Variants in SNTG1 observed in about 807,000 individuals in gnomAD.
SNTG1 encodes the protein gamma-1-syntrophin.
Under a neutral mutation model 74.7 loss-of-function variants are expected in SNTG1, and 39 were observed. That is an observed-to-expected ratio of 0.52 (90% CI 0.40 to 0.68). The LOEUF (loss-of-function observed/expected upper bound fraction) is 0.68, where lower values mean the gene tolerates loss of function less well. SNTG1 is among the 30% of genes least tolerant of loss of function. The pLI, the probability that SNTG1 is intolerant of heterozygous loss-of-function variation, is 0.00. For missense variants in SNTG1, 685 were observed against 609.5 expected, an observed-to-expected ratio of 1.12 and a Z score of -1.30; for synonymous variants, 254 against 217.1, an observed-to-expected ratio of 1.17 and a Z score of -1.49.
At chr8:50,149,425 G>C (rs919620159) in intron 1 of SNTG1, among the ~76,000 whole-genome samples, 1 of 152,132 alleles carries the variant, frequency 6.6e-6, no homozygotes, top group Non-Finnish European at 1.5e-5. Flanking sequence ...TTTGGCTTTT[G>C]TTGCCATTGC....
chr8:49,920,506 A>G (rs1235698155), intron 1 of SNTG1, among the ~76,000 whole-genome samples: 1 of 152,076 alleles, frequency 6.6e-6, no homozygotes, highest in Non-Finnish European at 1.5e-5. Context: ...TATAACACCT[A>G]TTATAGGCTT....
At chr8:50,050,613 T>C (rs1819488893) in intron 1 of SNTG1, among the ~76,000 whole-genome samples, 1 of 152,028 alleles carries the variant, frequency 6.6e-6, no homozygotes, top group African/African-American at 2.4e-5. Flanking sequence ...CAACAGCTTA[T>C]TGAAGAAATA....
intron 8 of SNTG1, among the ~76,000 whole-genome samples, chr8:50,475,789 C>G (rs1190245244): frequency 6.6e-6 from 1 of 152,006 alleles, no homozygotes; most frequent in Non-Finnish European, 1.5e-5. Flanking sequence ...AATGTGACAA[C>G]ATAATATAAA....
chr8:49,929,659 C>A (rs939967724), intron 1 of SNTG1, among the ~76,000 whole-genome samples: 1 of 152,128 alleles, frequency 6.6e-6, no homozygotes, highest in Non-Finnish European at 1.5e-5. Context: ...TGGATGAGAT[C>A]CCTGAATCAC....
intron 1 of SNTG1, among the ~76,000 whole-genome samples, chr8:50,150,704 T>C (rs1281515962): frequency 1.3e-5 from 2 of 152,202 alleles, no homozygotes; most frequent in Non-Finnish European, 2.9e-5. Flanking sequence ...ATTTATTGAT[T>C]TGTGTATGTT....
intron 1 of SNTG1, among the ~76,000 whole-genome samples, chr8:50,071,143 A>G (rs187442185): frequency 3.9e-5 from 6 of 152,278 alleles, no homozygotes; most frequent in South Asian, 2.1e-4. Context: ...CCCAACTCCT[A>G]AGGGAAGAAT....
intron 1 of SNTG1, among the ~76,000 whole-genome samples, chr8:50,136,507 T>C (rs886613590): frequency 6.6e-6 from 1 of 152,126 alleles, no homozygotes; most frequent in African/African-American, 2.4e-5. Context: ...TAGTGATCAG[T>C]GATGTTGAGC....
chr8:50,525,087 T>G (rs2094209500), intron 9 of SNTG1, among the ~76,000 whole-genome samples: 1 of 152,150 alleles, frequency 6.6e-6, no homozygotes, highest in African/African-American at 2.4e-5. Context: ...CCATGGTTTT[T>G]GTTTATTTAA....
chr8:50,377,051 TTC>T (rs2092401268), intron 2 of SNTG1, among the ~76,000 whole-genome samples: 1 of 152,092 alleles, frequency 6.6e-6, no homozygotes. Flanking sequence ...TGGGTCGGCT[TTC>T]TGAGTCAGCT....
intron 18 of SNTG1, among the ~76,000 whole-genome samples, chr8:50,762,171 A>C (rs1015652355): frequency 6.6e-6 from 1 of 151,982 alleles, no homozygotes; most frequent in Non-Finnish European, 1.5e-5. Context: ...TCTAAATATA[A>C]AACCAATCTC....
At chr8:49,963,741 G>T (rs1298574234) in intron 1 of SNTG1, among the ~76,000 whole-genome samples, 1 of 152,192 alleles carries the variant, frequency 6.6e-6, no homozygotes, top group Non-Finnish European at 1.5e-5. Flanking sequence ...ATGTAGCAAT[G>T]CTATGAATAG....
chr8:50,303,758 T>G (rs763387999), intron 2 of SNTG1, among the ~76,000 whole-genome samples: 1 of 152,148 alleles, frequency 6.6e-6, no homozygotes, highest in Non-Finnish European at 1.5e-5. Context: ...TTATGCCTGA[T>G]TGTAGACCCT....
chr8:50,380,235 G>T (rs1416351015), intron 2 of SNTG1, among the ~76,000 whole-genome samples: 1 of 152,298 alleles, frequency 6.6e-6, no homozygotes, highest in East Asian at 1.9e-4. Context: ...CACACAAAAT[G>T]AAACTCAAGT....
At chr8:50,570,056 T>C (rs1407618561) in intron 12 of SNTG1, among the ~76,000 whole-genome samples, 1 of 152,014 alleles carries the variant, frequency 6.6e-6, no homozygotes, top group Non-Finnish European at 1.5e-5. Context: ...TAAAATAGCC[T>C]GCTTTGTAGC....
chr8:50,531,004 G>A (rs218876), intron 10 of SNTG1, among the ~76,000 whole-genome samples: 50,597 of 152,044 alleles, frequency 0.33, 9,948 homozygotes, highest in African/African-American at 0.55. Flanking sequence ...GAATTTTATT[G>A]TTCTATTCCA....
At chr8:50,275,930 G>A (rs758058663) in intron 2 of SNTG1, among the ~76,000 whole-genome samples, 7 of 152,142 alleles carry the variant, frequency 4.6e-5, no homozygotes, top group Non-Finnish European at 8.8e-5. Flanking sequence ...GGAGGATGGA[G>A]TGATGCTTTC....
chr8:50,115,576 A>AAAAGAAAAAAAAAAAAAAAAC lies in SNTG1; in HGVS notation c.-102-56982_-102-56981insGAAAAAAAAAAAAAAAACAAA, dbSNP rs1554580677. 4.8e-5 allele frequency among the ~76,000 whole-genome samples: 4 copies of AAAAGAAAAAAAAAAAAAAAAC among 82,800 alleles called. 1 individual carries two copies. The Admixed American group carries it at 5.5e-4, about 11-fold the overall frequency. 54.3% of individuals were successfully genotyped at this position (82,800 alleles called of 152,430 possible). ...GAGCGAGACTCTGTCTCAAAAAAAA[A>AAAAGAAAAAAAAAAAAAAAAC]AAAAAAAAAAACGAGATGGTTGAAG... On this transcript the variant is annotated intron_variant, in intron 1 of 18. Coordinates refer to ENST00000642720, the MANE Select transcript of SNTG1 (RefSeq NM_018967.5).
At chr8:50,512,726 C>T (rs2094092714) in intron 9 of SNTG1, among the ~76,000 whole-genome samples, 1 of 152,182 alleles carries the variant, frequency 6.6e-6, no homozygotes, top group African/African-American at 2.4e-5. Flanking sequence ...GAGGCTTGTG[C>T]ATTCATCATG....
At chr8:50,481,667 T>C (rs141162843) in intron 8 of SNTG1, among the ~76,000 whole-genome samples, 76 of 152,348 alleles carry the variant, frequency 5.0e-4, no homozygotes, top group African/African-American at 1.7e-3. Context: ...CTAGATGTCA[T>C]GAAATAAATC....
Sources: allele counts gnomAD v4.1 joint callset (sites outside exome capture counted in the v4.1 genomes callset), GRCh38; gene constraint gnomAD v4.1.1; transcripts MANE v1.5; gene names NCBI Gene and HGNC (gene_info 2026-07-23, HGNC 2026-07-21).